RNF213: variants seen among roughly 807,000 people sequenced by gnomAD.
The protein encoded by RNF213 is ring finger protein 213.
Under a neutral mutation model 514.4 loss-of-function variants are expected in RNF213, and 341 were observed. The ratio of observed to expected loss-of-function variants is 0.66; its 90% CI spans 0.61 to 0.73. RNF213 has a LOEUF of 0.73. Ranked by LOEUF, RNF213 falls within the 30% of genes least tolerant of loss-of-function variation. The pLI, the probability that RNF213 is intolerant of heterozygous loss-of-function variation, is 0.00. For synonymous variants in RNF213, 2,655 were observed against 2,658.2 expected (o/e 1.00, Z 0.04); for missense variants, 5,767 against 6,615.6 (o/e 0.87, Z 4.45).
intron 50 of RNF213, among the ~76,000 whole-genome samples, chr17:80,375,369 T>C (rs2079705385): frequency 6.6e-6 from 1 of 152,178 alleles, no homozygotes; most frequent in African/African-American, 2.4e-5. Flanking sequence ...GAAAAGTTTC[T>C]TTTCACATGC....
chr17:80,340,643 CAG>C (rs1395371200), intron 26 of RNF213: 1 of 301,114 alleles, frequency 3.3e-6, no homozygotes, highest in African/African-American at 3.4e-5. Context: ...TTTTTTGAGA[CAG>C]AGTCTTGCTC....
At chr17:80,285,829 C>G (rs2044453146) in intron 3 of RNF213, among the ~76,000 whole-genome samples, 1 of 152,098 alleles carries the variant, frequency 6.6e-6, no homozygotes, top group Non-Finnish European at 1.5e-5. Flanking sequence ...TGCCACCACG[C>G]CCAGCTAATT....
chr17:80,345,592 G>T lies in RNF213; in HGVS notation c.7257G>T (p.Met2419Ile). ...GGTGTGGGATCCCGGTTATCATCAT[G>T]GGAGAAACTGGCTGTGGGAAAACCA... ...RFRCGIPVIIMGETGCGKTRL... is the reference protein window; with the variant it reads ...RFRCGIPVIIIGETGCGKTRL... Residue 2419 changes from methionine (M) to isoleucine (I), a missense_variant, in exon 29 of 68, where the codon ATG becomes ATT. Coordinates refer to ENST00000582970, the MANE Select transcript of RNF213 (RefSeq NM_001256071.3). This position sits in a 1 kb window ranked among gnomAD's most constrained non-coding sequence, Gnocchi z 6.0. The T allele has an allele frequency of 6.2e-7, 1 of 1,613,938 alleles. No individual in the cohort carries two copies. Among genetic ancestry groups the T allele is most frequent in the African/African-American group, 1.3e-5 (1 of 75,040 alleles).
At position 80,387,953 on chromosome 17, in the gene RNF213, ATTTT is replaced by A. The variant is rs35624579; in HGVS notation, c.14923-638_14923-635del. Among the ~76,000 whole-genome samples, 3 of 111,340 alleles carry A rather than the reference ATTTT, an allele frequency of 2.7e-5. No individual in the cohort carries two copies. The East Asian group carries it at 7.7e-4, about 29-fold the overall frequency. 73.0% of individuals were successfully genotyped at this position (111,340 alleles called of 152,430 possible). A position where few individuals can be genotyped will look rare whatever the true frequency, so the allele number is the denominator to read the frequency against. ...GGCCAGGAACTGTGAGAGCCCATGG[ATTTT>A]TTTTTTTTTTTTTTTTTTTTGAGAC... On this transcript the variant is annotated intron_variant, in intron 63 of 67. Coordinates refer to ENST00000582970, the MANE Select transcript of RNF213 (RefSeq NM_001256071.3).
chr17:80,359,954 CTT>C (rs946659534), intron 37 of RNF213, 105 bp from the exon 38 acceptor site: 1 of 1,211,844 alleles, frequency 8.3e-7, no homozygotes, highest in Non-Finnish European at 1.2e-6. Context: ...CTGTTGGCCC[CTT>C]TGTTTTTGAG....
rs1025893684 is a variant in RNF213, at chr17:80,368,437, T to TG, written c.12155+294_12155+295insG. Among the ~76,000 whole-genome samples the TG allele has an allele frequency of 2.1e-4, 31 of 151,174 alleles. 1 individual carries two copies. The highest frequency in any genetic ancestry group is 6.6e-4 in the Admixed American group (10 of 15,194). Reference sequence around the variant, plus strand: ...CCAAGGAATGTAGACGCCAGTGTTTTTTTTTTTTTTTTTGAGACAGTGTTT... The same window carrying TG: ...CCAAGGAATGTAGACGCCAGTGTTTTGTTTTTTTTTTTTTGAGACAGTGTTT... On this transcript the variant is annotated intron_variant, in intron 44 of 67. Coordinates refer to ENST00000582970, the MANE Select transcript of RNF213 (RefSeq NM_001256071.3).
chr17:80,292,692 CTCTG>C (rs1217098931), intron 8 of RNF213, among the ~76,000 whole-genome samples: 6 of 151,848 alleles, frequency 4.0e-5, no homozygotes, highest in African/African-American at 1.2e-4. Flanking sequence ...CACCTGGGTT[CTCTG>C]TCTGCAAACT....
rs1385581720 is a variant in RNF213 at position 80,377,740 on chromosome 17, G to C, written c.13511-22G>C. On this transcript the variant is annotated intron_variant, in intron 53 of 67. Transcript: ENST00000582970. This position sits in a 1 kb window ranked among gnomAD's most constrained non-coding sequence, Gnocchi z 4.1. ...ATTGGGTGAAACCTCATTAGCCAAT[G>C]TGTGTCCTGTTCTCTTCACAGCTTG... is the stretch of plus-strand genomic sequence containing the variant. The C allele has an allele frequency of 1.2e-6, 2 of 1,614,106 alleles. No individual in the cohort carries two copies. The highest frequency in any genetic ancestry group is 1.7e-6 in the Non-Finnish European group (2 of 1,179,946).
chr17:80,352,132 T>A, intron 32 of RNF213: 1 of 270,804 alleles, frequency 3.7e-6, no homozygotes, highest in Admixed American at 5.1e-5. Flanking sequence ...GGATTACAGG[T>A]GTGAGCCACC....
intron 2 of RNF213, among the ~76,000 whole-genome samples, chr17:80,271,439 A>G (rs1326034228): frequency 2.6e-5 from 4 of 152,138 alleles, no homozygotes; most frequent in Non-Finnish European, 5.9e-5. Flanking sequence ...GGTGCTGGAA[A>G]CGGGCGTGGG....
In RNF213 at chr17:80,351,729, A is replaced by G; in HGVS notation, c.10229A>G (p.Asp3410Gly). 6.2e-7 allele frequency: 1 copy of G among 1,612,308 alleles called. No individual in the cohort carries two copies. The highest frequency in any genetic ancestry group is 8.5e-7 in the Non-Finnish European group (1 of 1,178,506). ...NEINKIRENE[D>G]RIFVYFITKL... ...ATCAACAAAATACGAGAAAATGAGG[A>G]CCGTATCTTCGTCTATTTCATCACA... is the stretch of plus-strand genomic sequence containing the variant. Residue 3410 changes from aspartate (D) to glycine (G), a missense_variant, in exon 32 of 68, where the codon GAC becomes GGC. Coordinates refer to ENST00000582970, the MANE Select transcript of RNF213 (RefSeq NM_001256071.3).
chr17:80,300,543 C>T (rs1174542902), intron 11 of RNF213, among the ~76,000 whole-genome samples: 2 of 151,742 alleles, frequency 1.3e-5, no homozygotes, highest in Non-Finnish European at 2.9e-5. Context: ...CACGCCTGGC[C>T]TCATTGTGGT....
chr17:80,376,217 G>A (rs1160275199), intron 51 of RNF213, 84 bp from the exon 52 acceptor site: 3 of 1,462,702 alleles, frequency 2.1e-6, no homozygotes, highest in Middle Eastern at 1.7e-4. Flanking sequence ...GATATTTGAT[G>A]TGTATTTGGT....
Position 80,343,772 on chromosome 17 carries a change from A to G in RNF213, c.6184-85A>G. On this transcript the variant is annotated intron_variant, in intron 27 of 67. Coordinates refer to ENST00000582970, the MANE Select transcript of RNF213 (RefSeq NM_001256071.3). This position sits in a 1 kb window ranked among gnomAD's most constrained non-coding sequence, Gnocchi z 4.3. Reference sequence around the variant, plus strand: ...TTGATCATCAGGATCATCGTGACAAAGAGCAAAATAAGGAGGGGTTACTTA... The same window carrying G: ...TTGATCATCAGGATCATCGTGACAAGGAGCAAAATAAGGAGGGGTTACTTA... The G allele has an allele frequency of 7.0e-7, 1 of 1,419,746 alleles. No individual in the cohort carries two copies. The highest frequency in any genetic ancestry group is 1.2e-5 in the South Asian group (1 of 86,548). 87.9% of individuals were successfully genotyped at this position (1,419,746 alleles called of 1,614,324 possible).
intron 21 of RNF213, among the ~76,000 whole-genome samples, chr17:80,333,018 A>G (rs2046458612): frequency 6.6e-6 from 1 of 151,378 alleles, no homozygotes; most frequent in Non-Finnish European, 1.5e-5. Flanking sequence ...GCGGTAAATC[A>G]GTTGTTTCTG....
At position 80,396,543 on chromosome 17, in the gene RNF213, GGT is replaced by G. The variant is rs2080664700; in HGVS notation, c.*3046_*3047del. 1.3e-5 allele frequency: 2 copies of G among 152,208 alleles called. No homozygotes were observed. The highest frequency in any genetic ancestry group is 3.8e-4 in the East Asian group (2 of 5,198). 9.4% of individuals were successfully genotyped at this position (152,208 alleles called of 1,614,324 possible). ...TCTGATTTGATACATAAAGTGTGAAGGTTGCATAACTGGGGAGGTGGCTGGAG... is the reference window on the plus strand; with the variant it reads ...TCTGATTTGATACATAAAGTGTGAAGTGCATAACTGGGGAGGTGGCTGGAG... On this transcript the variant is annotated 3_prime_UTR_variant, in exon 68 of 68. Coordinates refer to ENST00000582970, the MANE Select transcript of RNF213 (RefSeq NM_001256071.3).
chr17:80,298,359 T>C lies in RNF213; in HGVS notation c.2051T>C (p.Met684Thr). ...CTGGTGAACCTGTGCCAAAGATGCA[T>C]GGACACAAGGACGTACACCTGGCTG... Reference protein sequence around the residue: ...LYLVNLCQRCMDTRTYTWLGA... With the variant: ...LYLVNLCQRCTDTRTYTWLGA... The change falls in exon 11 of 68, where the codon ATG (methionine) becomes ACG (threonine). Residue 684 changes from methionine (M) to threonine (T), a missense_variant. By Grantham distance (81) the Met-to-Thr change is moderately conservative. Around this residue, in one of 13 missense-constraint regions of RNF213, gnomAD observed 592 missense variants for 673.9 expected, o/e 0.88. Transcript: ENST00000582970. 1.2e-6 allele frequency: 2 copies of C among 1,614,164 alleles called. No individual in the cohort carries two copies. The highest frequency in any genetic ancestry group is 4.5e-5 in the East Asian group (2 of 44,876).
rs1274435896 is a variant in RNF213 at position 80,348,492 on chromosome 17, C to G, written c.9951+206C>G. Among the ~76,000 whole-genome samples the G allele has an allele frequency of 2.0e-5, 3 of 152,234 alleles. No individual in the cohort carries two copies. In the East Asian group the frequency reaches 5.8e-4, roughly 29 times the overall value. On this transcript the variant is annotated intron_variant, in intron 29 of 67. Coordinates refer to ENST00000582970, the MANE Select transcript of RNF213 (RefSeq NM_001256071.3). ...GCCTGGCTCTGTGCAGTGCACCATG[C>G]TGGTAACAGCACCATACACAGTGTT...
intron 36 of RNF213, among the ~76,000 whole-genome samples, chr17:80,355,616 AGTGGGAATGGGGG>A (rs2078756847): frequency 2.1e-4 from 6 of 28,168 alleles, no homozygotes; most frequent in African/African-American, 7.3e-4. Flanking sequence ...AAGCGGGGTG[AGTGGGAATGGGGG>A]CTTACAGGGG....
Sources: allele counts gnomAD v4.1 joint callset (sites outside exome capture counted in the v4.1 genomes callset), GRCh38; gene constraint gnomAD v4.1.1; regional missense constraint gnomAD v4.1.1; non-coding constraint Gnocchi (gnomAD v3.1); transcripts MANE v1.5; gene names NCBI Gene and HGNC (gene_info 2026-07-23, HGNC 2026-07-21).